G3BP2: variants seen among roughly 807,000 people sequenced by gnomAD.
The protein encoded by G3BP2 is ras GTPase-activating protein-binding protein 2.
Under a neutral mutation model 56.7 loss-of-function variants are expected in G3BP2, and 11 were observed. The observed-to-expected ratio is 0.19, with a 90% CI of 0.12 to 0.32. The LOEUF (loss-of-function observed/expected upper bound fraction) is 0.32. G3BP2 is among the 10% of genes least tolerant of loss of function. The probability of loss-of-function intolerance (pLI) is 1.00; values close to 1 mark genes in which losing one functional copy is unlikely to be tolerated. For missense variants in G3BP2, 340 were observed against 610.9 expected (o/e 0.56, Z 4.67); for synonymous variants, 165 against 191.6 (o/e 0.86, Z 1.15).
At chr4:75,653,714 TTTG>T (rs1391895370) in intron 8 of G3BP2, among the ~76,000 whole-genome samples, 2 of 152,104 alleles carry the variant, frequency 1.3e-5, no homozygotes, top group Non-Finnish European at 2.9e-5. Flanking sequence ...GAACATTCTT[TTTG>T]TTATTTTAAG....
chr4:75,678,024 C>T (rs1733940329), upstream of G3BP2, among the ~76,000 whole-genome samples: 1 of 152,186 alleles, frequency 6.6e-6, no homozygotes, highest in South Asian at 2.1e-4. Context: ...AAGAAGGCAC[C>T]ATCTTTGAAG....
At chr4:75,705,243 G>A (rs996409909) in intron 3 of G3BP2, among the ~76,000 whole-genome samples, 8 of 152,196 alleles carry the variant, frequency 5.3e-5, no homozygotes, top group Non-Finnish European at 1.2e-4. Context: ...GGGTTCCTCA[G>A]AGATGCAGAT....
At chr4:75,710,238 C>T (rs565049370) in intron 3 of G3BP2, among the ~76,000 whole-genome samples, 16 of 151,986 alleles carry the variant, frequency 1.1e-4, no homozygotes, top group Admixed American at 5.9e-4. Flanking sequence ...GCTGGGATTA[C>T]AGATGTGAGT....
At chr4:75,678,642 C>A (rs1733966153) in intron 3 of G3BP2, among the ~76,000 whole-genome samples, 1 of 152,008 alleles carries the variant, frequency 6.6e-6, no homozygotes, top group African/African-American at 2.4e-5. Context: ...TAGCAAGACC[C>A]CATTTCCAAA....
In G3BP2 at chr4:75,645,514, A is replaced by G. The variant is rs1731153711; in HGVS notation, c.1365T>C (p.Pro455=). 2 of 1,613,638 alleles carry G rather than the reference A, an allele frequency of 1.2e-6. No individual in the cohort carries two copies. The highest frequency in any genetic ancestry group is 2.2e-5 in the South Asian group (2 of 91,042). ...GTTTCTGTGCCATGCCACCCCTTGGAGGAGGTCCTCTTCCATCACGATCAC... is the reference window on the plus strand; with the variant it reads ...GTTTCTGTGCCATGCCACCCCTTGGGGGAGGTCCTCTTCCATCACGATCAC... The part of the protein sequence containing the change: ...MMRDRDGRGP[P]PRGGMAQKLG... Residue 455 remains proline, a synonymous_variant, in exon 12 of 12, where the codon CCT becomes CCC. Coordinates refer to ENST00000359707, the MANE Select transcript of G3BP2 (RefSeq NM_203505.3).
chr4:75,685,889 C>G (rs534710015), intron 3 of G3BP2, among the ~76,000 whole-genome samples: 1 of 152,222 alleles, frequency 6.6e-6, no homozygotes, highest in Admixed American at 6.5e-5. Flanking sequence ...AAACAAGGAA[C>G]TGCCCTTTGA....
intron 1 of G3BP2, among the ~76,000 whole-genome samples, chr4:75,671,167 A>ACTAG (rs1407427892): frequency 6.6e-6 from 1 of 152,200 alleles, no homozygotes; most frequent in Non-Finnish European, 1.5e-5. Context: ...GTGGAGAGTA[A>ACTAG]CTAGGTCATG....
intron 8 of G3BP2, among the ~76,000 whole-genome samples, chr4:75,653,711 CTT>C (rs1218281081): frequency 2.6e-5 from 4 of 151,096 alleles, no homozygotes; most frequent in Non-Finnish European, 4.4e-5. Flanking sequence ...AAGGAACATT[CTT>C]TTTGTTATTT....
chr4:75,707,344 C>T (rs1719587380), intron 3 of G3BP2, among the ~76,000 whole-genome samples: 1 of 151,890 alleles, frequency 6.6e-6, no homozygotes, highest in Non-Finnish European at 1.5e-5. Flanking sequence ...CAATTATCGG[C>T]AGCGCCGTGG....
chr4:75,704,012 G>GTTTTTTTTTTTTTTTTTT (rs11315970), intron 3 of G3BP2, among the ~76,000 whole-genome samples: 1 of 138,960 alleles, frequency 7.2e-6, no homozygotes, highest in African/African-American at 2.7e-5. Context: ...TCTATGAAAG[G>GTTTTTTTTTTTTTTTTTT]TTTTTTTTTT....
chr4:75,688,169 CTT>C (rs35480601), intron 3 of G3BP2, among the ~76,000 whole-genome samples: 3 of 147,460 alleles, frequency 2.0e-5, no homozygotes, highest in Non-Finnish European at 1.5e-5. Context: ...TGCCTTCCTT[CTT>C]TTTTTTTTTA....
Position 75,644,890 on chromosome 4 carries a change from T to C in G3BP2, c.*540A>G, listed in dbSNP as rs1206812213. On this transcript the variant is annotated 3_prime_UTR_variant, in exon 12 of 12. Coordinates refer to ENST00000359707, the MANE Select transcript of G3BP2 (RefSeq NM_203505.3). ...AACTATTTTCTACTGGAAAAGAAGA[T>C]GAGATTTTTTCCCTGTTGCCTCCTG... 6.5e-6 allele frequency: 1 copy of C among 153,070 alleles called. No individual in the cohort carries two copies. The highest frequency in any genetic ancestry group is 1.5e-5 in the Non-Finnish European group (1 of 68,442). The allele number at this position is 153,070 out of a possible 1,614,324, so 9.5% of individuals were successfully genotyped here. A position where few individuals can be genotyped will look rare whatever the true frequency, so the allele number is the denominator to read the frequency against.
At chr4:75,663,878 T>A (rs115634338) in intron 1 of G3BP2, among the ~76,000 whole-genome samples, 1 of 3,502 alleles carries the variant, frequency 2.9e-4, no homozygotes, top group Non-Finnish European at 6.2e-4. Flanking sequence ...AAAATAAAAA[T>A]ATGAAATATA....
intron 9 of G3BP2, 41 bp from the exon 10 acceptor site, chr4:75,647,198 C>A (rs374974428): frequency 3.1e-5 from 41 of 1,337,220 alleles, no homozygotes; most frequent in Non-Finnish European, 4.0e-5. Context: ...TTTACAATAT[C>A]ATAAAAACTA....
At chr4:75,656,291 T>TCC (rs10661185) in intron 5 of G3BP2, among the ~76,000 whole-genome samples, 2 of 151,134 alleles carry the variant, frequency 1.3e-5, no homozygotes. Flanking sequence ...CGCGCTCGGC[T>TCC]CCAATTTTTT....
At chr4:75,708,795 ACT>A (rs1259570254) in intron 3 of G3BP2, among the ~76,000 whole-genome samples, 2 of 151,240 alleles carry the variant, frequency 1.3e-5, no homozygotes, top group African/African-American at 2.4e-5. Context: ...GCAGAGTGAG[ACT>A]CTCTACAAAA....
intron 8 of G3BP2, among the ~76,000 whole-genome samples, chr4:75,653,666 A>G (rs2148969222): frequency 6.6e-6 from 1 of 151,584 alleles, no homozygotes; most frequent in East Asian, 1.9e-4. Context: ...CTTACCTAAA[A>G]TATTTTTGCT....
Position 75,648,620 on chromosome 4 carries a change from T to C in G3BP2, c.928+19A>G. ...CTTACAAATGTTAAATGCTAAAGGC[T>C]ATAAAGGAGCTGACTCACCTGGTCT... On this transcript the variant is annotated intron_variant, in intron 9 of 11. Transcript: ENST00000359707. The C allele has an allele frequency of 7.8e-7, 1 of 1,287,784 alleles. No homozygotes were observed. Among genetic ancestry groups the C allele is most frequent in the Non-Finnish European group, 1.1e-6 (1 of 884,368 alleles). The allele number at this position is 1,287,784 out of a possible 1,614,324, so 79.8% of individuals were successfully genotyped here.
intron 3 of G3BP2, among the ~76,000 whole-genome samples, chr4:75,703,124 T>G (rs1011693763): frequency 6.6e-6 from 1 of 152,238 alleles, no homozygotes; most frequent in Admixed American, 6.5e-5. Context: ...AGCCTTCTGA[T>G]TGTAATCTGG....
Sources: allele counts gnomAD v4.1 joint callset (sites outside exome capture counted in the v4.1 genomes callset), GRCh38; gene constraint gnomAD v4.1.1; transcripts MANE v1.5; gene names NCBI Gene and HGNC (gene_info 2026-07-23, HGNC 2026-07-21).